The following ATP10A variants were observed in gnomAD, a reference collection of about 807,000 sequenced individuals.
The protein encoded by ATP10A is ATPase phospholipid transporting 10A (putative).
ATP10A carries 111 observed loss-of-function variants against 147.8 expected under a neutral mutation model. That is an observed-to-expected ratio of 0.75 (90% confidence interval 0.64 to 0.88). The LOEUF (loss-of-function observed/expected upper bound fraction) is 0.88. Among genes scored for constraint, ATP10A ranks in the 40% least tolerant of loss-of-function variants. The probability of loss-of-function intolerance (pLI) is 0.00; values close to 1 mark genes in which losing one functional copy is unlikely to be tolerated. For synonymous variants in ATP10A, 875 were observed against 841.6 expected (o/e 1.04, Z -0.69); for missense variants, 1,927 against 1,959.0 (o/e 0.98, Z 0.31).
chr15:25,816,622 GA>G (rs1412939865), intron 1 of ATP10A, among the ~76,000 whole-genome samples: 1 of 152,086 alleles, frequency 6.6e-6, no homozygotes, highest in Non-Finnish European at 1.5e-5. Flanking sequence ...TCCACCATGC[GA>G]AAGATTTGTG....
At chr15:25,815,502 T>C in intron 1 of ATP10A, among the ~76,000 whole-genome samples, 1 of 7,612 alleles carries the variant, frequency 1.3e-4, no homozygotes, top group Non-Finnish European at 4.0e-4. Context: ...GGTGTCGAGA[T>C]GCCAACCAGT....
At chr15:25,742,352 C>T (rs1887623003) in intron 2 of ATP10A, among the ~76,000 whole-genome samples, 1 of 152,254 alleles carries the variant, frequency 6.6e-6, no homozygotes, top group Admixed American at 6.5e-5. Flanking sequence ...CTTTTTCTAA[C>T]TGGAGATTTT....
chr15:25,772,417 C>G (rs1045827190), intron 2 of ATP10A, among the ~76,000 whole-genome samples: 9 of 152,116 alleles, frequency 5.9e-5, no homozygotes, highest in African/African-American at 1.7e-4. Context: ...ACTCAAAATC[C>G]CCGAGAGGGG....
chr15:25,756,525 C>T (rs1466375418), intron 2 of ATP10A, among the ~76,000 whole-genome samples: 1 of 152,088 alleles, frequency 6.6e-6, no homozygotes, highest in African/African-American at 2.4e-5. Context: ...CACCTGTAGT[C>T]CCAGCTACTC....
At position 25,687,762 on chromosome 15, in the gene ATP10A, C is replaced by T. The variant is rs1374347516; in HGVS notation, c.3232G>A (p.Gly1078Arg). The change falls in exon 16 of 21, where the codon GGG becomes AGG. Residue 1078 changes from glycine to arginine, a missense_variant. By Grantham distance (125) the Gly-to-Arg change is moderately radical. Coordinates refer to ENST00000555815, the MANE Select transcript of ATP10A (RefSeq NM_024490.4). ...RYLERLLILH[G>R]HWCYSRLANM... ...GCAAGTCGGGAGTAGCACCAATGCC[C>T]GTGAAGAATCAAGAGCCTCTCCAGG... is the stretch of plus-strand genomic sequence containing the variant. The T allele has an allele frequency of 1.2e-6, 2 of 1,613,354 alleles. No individual in the cohort carries two copies. Among genetic ancestry groups the T allele is most frequent in the Non-Finnish European group, 1.7e-6 (2 of 1,179,584 alleles).
rs546624827 is a variant in ATP10A at position 25,862,350 on chromosome 15, T to C, written c.449+298A>G. ...AGGTGGGAGCGGCTGTGGATGAGGATGTCCAGCGGCCGTCGGTTTCTAGCC... is the reference window on the plus strand; with the variant it reads ...AGGTGGGAGCGGCTGTGGATGAGGACGTCCAGCGGCCGTCGGTTTCTAGCC... On this transcript the variant is annotated intron_variant, in intron 1 of 20. Transcript: ENST00000555815. The C allele has an allele frequency of 2.7e-5, 16 of 598,058 alleles. No homozygotes were observed. In the African/African-American group the frequency reaches 2.7e-4, roughly 10 times the overall value. 37.0% of individuals were successfully genotyped at this position (598,058 alleles called of 1,614,324 possible).
At chr15:25,822,937 C>T (rs569111343) in intron 1 of ATP10A, among the ~76,000 whole-genome samples, 36 of 152,116 alleles carry the variant, frequency 2.4e-4, no homozygotes, top group South Asian at 2.1e-4. Flanking sequence ...GTAAATTCTA[C>T]CTTCACTAAA....
intron 2 of ATP10A, among the ~76,000 whole-genome samples, chr15:25,775,241 T>G (rs956170341): frequency 4.6e-5 from 7 of 152,270 alleles, no homozygotes; most frequent in Non-Finnish European, 5.9e-5. Flanking sequence ...GAGACAATTT[T>G]GGAAGCATGT....
Position 25,679,579 on chromosome 15 carries a change from C to T in ATP10A, c.4262G>A (p.Gly1421Asp). 1 of 1,610,320 alleles carries T rather than the reference C, an allele frequency of 6.2e-7. No individual in the cohort carries two copies. The highest frequency in any genetic ancestry group is 8.5e-7 in the Non-Finnish European group (1 of 1,177,260). ...EESKVRAAST[G>D]RVTPLSSLFS... Reference sequence around the variant, plus strand: ...GAGGGAAGACAGGGGGGTCACCCTGCCGGTGCTGGCAGCTCTCACCTTGGA... The same window carrying T: ...GAGGGAAGACAGGGGGGTCACCCTGTCGGTGCTGGCAGCTCTCACCTTGGA... Residue 1421 changes from glycine (G) to aspartate (D), a missense_variant, in exon 21 of 21, where the codon GGC (glycine) becomes GAC (aspartate). Gly to Asp is a moderately conservative substitution (Grantham distance 94). Transcript: ENST00000555815.
At chr15:25,772,801 A>G (rs1015153230) in intron 2 of ATP10A, among the ~76,000 whole-genome samples, 1 of 152,030 alleles carries the variant, frequency 6.6e-6, no homozygotes, top group African/African-American at 2.4e-5. Flanking sequence ...CAGCAATGAC[A>G]CTCACATTTC....
Position 25,781,267 on chromosome 15 carries a change from C to T in ATP10A, c.450-44G>A, listed in dbSNP as rs1289399711. On this transcript the variant is annotated intron_variant, in intron 1 of 20. Transcript: ENST00000555815. ...TTAACAAAACTCACGAGACATTGGTCGTGGCTGGATCTGGGTGATGGGCAC... is the reference window on the plus strand; with the variant it reads ...TTAACAAAACTCACGAGACATTGGTTGTGGCTGGATCTGGGTGATGGGCAC... 5.8e-6 allele frequency: 9 copies of T among 1,550,786 alleles called. No homozygotes were observed. The African/African-American group carries it at 8.2e-5, about 14-fold the overall frequency.
At chr15:25,850,328 C>T (rs1281747294) in intron 1 of ATP10A, among the ~76,000 whole-genome samples, 1 of 152,182 alleles carries the variant, frequency 6.6e-6, no homozygotes. Context: ...TCTGAGTCAA[C>T]CATGCTCCTG....
intron 2 of ATP10A, among the ~76,000 whole-genome samples, chr15:25,756,297 T>C (rs1222502203): frequency 6.6e-6 from 1 of 152,238 alleles, no homozygotes; most frequent in Non-Finnish European, 1.5e-5. Context: ...GTTCTGTGTA[T>C]GTGATATTTC....
At chr15:25,838,329 C>T (rs555905943) in intron 1 of ATP10A, among the ~76,000 whole-genome samples, 89 of 152,286 alleles carry the variant, frequency 5.8e-4, no homozygotes, top group Middle Eastern at 3.4e-3. Context: ...GCACCTGGCA[C>T]GCTAGGTGTC....
At chr15:25,696,588 G>C (rs528814032) in intron 13 of ATP10A, among the ~76,000 whole-genome samples, 1 of 152,204 alleles carries the variant, frequency 6.6e-6, no homozygotes, top group African/African-American at 2.4e-5. Flanking sequence ...CCGATGGACC[G>C]GGAGAGGAGA....
chr15:25,793,563 G>A (rs865890839), intron 1 of ATP10A, among the ~76,000 whole-genome samples: 3 of 152,168 alleles, frequency 2.0e-5, no homozygotes, highest in Admixed American at 6.5e-5. Context: ...GCTCCACTTC[G>A]CTGGGTGTGA....
At chr15:25,802,826 T>TGAGAAGCTC (rs141600855) in intron 1 of ATP10A, among the ~76,000 whole-genome samples, 2,349 of 152,274 alleles carry the variant, frequency 0.015, 45 homozygotes, top group African/African-American at 0.053. Flanking sequence ...TCGAGGTCAC[T>TGAGAAGCTC]GAGAAGCTCC....
At chr15:25,860,641 A>G (rs11161244) in intron 1 of ATP10A, among the ~76,000 whole-genome samples, 67,912 of 151,660 alleles carry the variant, frequency 0.45, 18,239 homozygotes, top group East Asian at 0.59. Flanking sequence ...GAGTTAAGAT[A>G]TCTGGAGTCA....
At chr15:25,746,743 C>T (rs544582741) in intron 2 of ATP10A, among the ~76,000 whole-genome samples, 8 of 152,150 alleles carry the variant, frequency 5.3e-5, no homozygotes, top group Admixed American at 2.6e-4. Context: ...AAAGAAGTCA[C>T]GAGAGAAATT....
Sources: allele counts gnomAD v4.1 joint callset (sites outside exome capture counted in the v4.1 genomes callset), GRCh38; gene constraint gnomAD v4.1.1; transcripts MANE v1.5; gene names NCBI Gene and HGNC (gene_info 2026-07-23, HGNC 2026-07-21).